The following ZNF704 variants were observed in gnomAD, a reference collection of about 807,000 sequenced individuals.
The protein encoded by ZNF704 is glucocorticoid induced gene 1.
A neutral mutation model predicts 44.7 loss-of-function variants in ZNF704; 10 were observed. The ratio of observed to expected loss-of-function variants is 0.22; its 90% CI spans 0.14 to 0.38. The LOEUF is 0.38. Among genes scored for constraint, ZNF704 ranks in the 10% least tolerant of loss-of-function variants. The pLI, the probability that ZNF704 is intolerant of heterozygous loss-of-function variation, is 1.00. For synonymous variants in ZNF704, 211 were observed against 207.6 expected (o/e 1.02, Z -0.14); for missense variants, 390 against 545.5 (o/e 0.71, Z 2.84).
chr8:80,747,719 T>C (rs1806869678), intron 2 of ZNF704, among the ~76,000 whole-genome samples: 1 of 151,812 alleles, frequency 6.6e-6, no homozygotes, highest in African/African-American at 2.4e-5. Context: ...ATGGTTTTTT[T>C]GTTTGTTTGT....
At chr8:80,856,295 G>A (rs1808960394) in intron 1 of ZNF704, among the ~76,000 whole-genome samples, 1 of 152,062 alleles carries the variant, frequency 6.6e-6, no homozygotes, top group South Asian at 2.1e-4. Context: ...AATTACTTCA[G>A]AAGAATAACT....
chr8:80,697,163 C>T (rs140831563), intron 2 of ZNF704, among the ~76,000 whole-genome samples: 16 of 152,172 alleles, frequency 1.1e-4, no homozygotes, highest in Non-Finnish European at 1.6e-4. Flanking sequence ...AAGGGTCCTA[C>T]GTGAGGGATG....
At chr8:80,850,482 G>A (rs1808839773) in intron 1 of ZNF704, among the ~76,000 whole-genome samples, 1 of 152,076 alleles carries the variant, frequency 6.6e-6, no homozygotes, top group Non-Finnish European at 1.5e-5. Context: ...CAGACACAAG[G>A]CTGATGGGGT....
chr8:80,689,442 T>C (rs1585955091), intron 3 of ZNF704, among the ~76,000 whole-genome samples: 1 of 152,172 alleles, frequency 6.6e-6, no homozygotes, highest in Non-Finnish European at 1.5e-5. Flanking sequence ...AGCATCTCAC[T>C]CCCTGCAGTC....
At chr8:80,670,997 C>T (rs574707742) in intron 4 of ZNF704, among the ~76,000 whole-genome samples, 1 of 152,300 alleles carries the variant, frequency 6.6e-6, no homozygotes, top group South Asian at 2.1e-4. Context: ...GCATAGAAAG[C>T]TCCATAAAAA....
At chr8:80,703,701 C>T (rs1199459806) in intron 2 of ZNF704, among the ~76,000 whole-genome samples, 2 of 152,178 alleles carry the variant, frequency 1.3e-5, no homozygotes, top group African/African-American at 4.8e-5. Flanking sequence ...TCTCAAACTC[C>T]TGGACTCAAG....
intron 2 of ZNF704, among the ~76,000 whole-genome samples, chr8:80,766,484 T>G (rs570834772): frequency 6.6e-6 from 1 of 152,192 alleles, no homozygotes; most frequent in Non-Finnish European, 1.5e-5. Flanking sequence ...TAAACTCCCT[T>G]TGGGATCAAA....
chr8:80,630,406 CTTG>C lies in ZNF704; in HGVS notation c.*10957_*10959del, dbSNP rs1198866787. Reference sequence around the variant, plus strand: ...TTTTCTCTTCATTCTTTCTCCTTTACTTGTTTAGCAGGCACTAAAAAGCAATGT... The same window carrying C: ...TTTTCTCTTCATTCTTTCTCCTTTACTTTAGCAGGCACTAAAAAGCAATGT... On this transcript the variant is annotated 3_prime_UTR_variant, in exon 9 of 9. Transcript: ENST00000327835. 5 of 152,220 alleles carry C rather than the reference CTTG, an allele frequency of 3.3e-5. No homozygotes were observed. Among genetic ancestry groups the C allele is most frequent in the Non-Finnish European group, 7.3e-5 (5 of 68,040 alleles). 9.4% of individuals were successfully genotyped at this position (152,220 alleles called of 1,614,324 possible). A position where few individuals can be genotyped will look rare whatever the true frequency, so the allele number is the denominator to read the frequency against.
At chr8:80,650,595 G>C (rs891177160) in intron 7 of ZNF704, among the ~76,000 whole-genome samples, 1 of 152,156 alleles carries the variant, frequency 6.6e-6, no homozygotes, top group African/African-American at 2.4e-5. Context: ...ATGAAAGGAA[G>C]TGAGAAGAGA....
chr8:80,869,901 A>G (rs1255231475), intron 1 of ZNF704, among the ~76,000 whole-genome samples: 3 of 152,238 alleles, frequency 2.0e-5, no homozygotes, highest in Non-Finnish European at 4.4e-5. Context: ...AACAGCAGTA[A>G]GTAGGGAAGG....
chr8:80,643,180 C>T, intron 7 of ZNF704, 51 bp from the exon 8 acceptor site: 1 of 1,410,520 alleles, frequency 7.1e-7, no homozygotes, highest in Non-Finnish European at 9.8e-7. Context: ...TCCACCCATG[C>T]AGTTAGTTAA....
At chr8:80,650,728 T>C (rs1331778189) in intron 7 of ZNF704, among the ~76,000 whole-genome samples, 2 of 152,196 alleles carry the variant, frequency 1.3e-5, no homozygotes, top group East Asian at 1.9e-4. Context: ...TGGAACCAAG[T>C]TGGAAAACAC....
At chr8:80,739,165 T>G (rs1212431669) in intron 2 of ZNF704, among the ~76,000 whole-genome samples, 1 of 152,230 alleles carries the variant, frequency 6.6e-6, no homozygotes, top group Admixed American at 6.5e-5. Context: ...CACATCATAT[T>G]TCTGGGTCAT....
intron 2 of ZNF704, among the ~76,000 whole-genome samples, chr8:80,694,672 A>G (rs373622287): frequency 6.6e-6 from 1 of 152,220 alleles, no homozygotes; most frequent in African/African-American, 2.4e-5. Context: ...AATGGTTCCC[A>G]ATTATTGGGG....
At chr8:80,714,348 T>C (rs1260225742) in intron 2 of ZNF704, among the ~76,000 whole-genome samples, 1 of 152,216 alleles carries the variant, frequency 6.6e-6, no homozygotes, top group African/African-American at 2.4e-5. Flanking sequence ...AATTCTGCAC[T>C]ATTCAAAAGT....
chr8:80,643,200 T>C (rs1817772341), intron 7 of ZNF704, 71 bp from the exon 8 acceptor site: 2 of 1,110,574 alleles, frequency 1.8e-6, no homozygotes, highest in African/African-American at 1.6e-5. Flanking sequence ...ACCTTTGCTG[T>C]GTGGACACTG....
chr8:80,805,427 C>T (rs1807973016), intron 2 of ZNF704, among the ~76,000 whole-genome samples: 1 of 152,112 alleles, frequency 6.6e-6, no homozygotes, highest in South Asian at 2.1e-4. Flanking sequence ...CTTATCAATT[C>T]TGGAATTATG....
intron 7 of ZNF704, among the ~76,000 whole-genome samples, chr8:80,657,214 G>T (rs533580639): frequency 7.9e-5 from 12 of 152,232 alleles, no homozygotes; most frequent in African/African-American, 2.9e-4. Flanking sequence ...GCAACAAAAA[G>T]AACATTCTTA....
chr8:80,816,626 T>C (rs1213009129), intron 2 of ZNF704, among the ~76,000 whole-genome samples: 2 of 152,176 alleles, frequency 1.3e-5, no homozygotes, highest in East Asian at 3.9e-4. Flanking sequence ...ACAATTAGCA[T>C]CGACACTTTT....
Sources: allele counts gnomAD v4.1 joint callset (sites outside exome capture counted in the v4.1 genomes callset), GRCh38; gene constraint gnomAD v4.1.1; transcripts MANE v1.5; gene names NCBI Gene and HGNC (gene_info 2026-07-23, HGNC 2026-07-21).